The following MYO18B variants were observed in gnomAD, a reference collection of about 807,000 sequenced individuals.
MYO18B encodes unconventional myosin-XVIIIb.
In MYO18B, 204 loss-of-function variants were observed where a neutral mutation model predicts 273.0. The ratio of observed to expected loss-of-function variants is 0.75; its 90% confidence interval spans 0.67 to 0.84. The LOEUF is 0.84. Ranked by LOEUF, MYO18B falls within the 40% of genes least tolerant of loss-of-function variation. The pLI, the probability that MYO18B is intolerant of heterozygous loss-of-function variation, is 0.00. For missense variants in MYO18B, 3,212 were observed against 3,287.6 expected (o/e 0.98, Z 0.56); for synonymous variants, 1,330 against 1,305.7 (o/e 1.02, Z -0.40).
At chr22:26,048,274 A>G in the MYO18B span, among the ~76,000 whole-genome samples, 1 of 152,224 alleles carries the variant, frequency 6.6e-6, no homozygotes, top group Non-Finnish European at 1.5e-5. Context: ...ATTTTAAAAG[A>G]CTGCCCTGAA....
At chr22:26,004,931 T>C (rs757359335) in intron 42 of MYO18B, 76 bp downstream of exon 42, 241 of 1,565,022 alleles carry the variant, frequency 1.5e-4, no homozygotes, top group Non-Finnish European at 2.0e-4. Context: ...GTTGTTCAAG[T>C]CTTTCATTGT....
intron 3 of MYO18B, among the ~76,000 whole-genome samples, chr22:25,764,415 C>T (rs133892): frequency 0.25 from 37,476 of 152,112 alleles, 4,930 homozygotes; most frequent in African/African-American, 0.33. Flanking sequence ...TCCAGCGCCC[C>T]CTTCAGACAA....
intron 38 of MYO18B, 122 bp downstream of exon 38, chr22:25,952,545 C>A: frequency 7.7e-7 from 1 of 1,300,660 alleles, no homozygotes; most frequent in Non-Finnish European, 1.1e-6. Flanking sequence ...ATACATTACT[C>A]ATCCACTTCT....
intron 13 of MYO18B, among the ~76,000 whole-genome samples, chr22:25,824,003 G>A (rs2089391649): frequency 6.6e-6 from 1 of 152,168 alleles, no homozygotes; most frequent in African/African-American, 2.4e-5. Context: ...TACTAAGTAG[G>A]GGAAAGACTA....
intron 40 of MYO18B, among the ~76,000 whole-genome samples, chr22:26,002,632 C>CGG (rs1664252578): frequency 6.6e-6 from 1 of 152,156 alleles, no homozygotes; most frequent in Non-Finnish European, 1.5e-5. Flanking sequence ...CTGCACCCAC[C>CGG]CACTGAACAA....
chr22:25,890,949 T>A, intron 26 of MYO18B, 74 bp downstream of exon 26: 9 of 1,537,978 alleles, frequency 5.9e-6, no homozygotes, highest in Non-Finnish European at 7.0e-6. Flanking sequence ...CCCGACCCTC[T>A]CATTGGAGAT....
chr22:25,970,320 A>G (rs1255228641), intron 39 of MYO18B, among the ~76,000 whole-genome samples: 2 of 152,232 alleles, frequency 1.3e-5, no homozygotes, highest in Non-Finnish European at 2.9e-5. Flanking sequence ...GAGCAGGCAT[A>G]TAAGTCTAGG....
At chr22:25,877,419 C>T (rs1278393994) in intron 24 of MYO18B, 2 of 152,166 alleles carry the variant, frequency 1.3e-5, no homozygotes, top group African/African-American at 4.8e-5. Flanking sequence ...AGCTAATTAA[C>T]AAATCCATCA....
chr22:25,781,848 G>A lies in MYO18B; in HGVS notation c.2312+14G>A. On this transcript the variant is annotated intron_variant, in intron 10 of 43. Coordinates refer to ENST00000335473, the MANE Select transcript of MYO18B (RefSeq NM_032608.7). The stretch of plus-strand genomic sequence containing the variant: ...CTTGGATCTCAGGTGAGCACTTGGG[G>A]CAGGAAGAGACAGCTGAGGGCAGTG... 4 of 1,523,312 alleles carry A rather than the reference G, an allele frequency of 2.6e-6. No homozygotes were observed. Among genetic ancestry groups the A allele is most frequent in the Non-Finnish European group, 3.5e-6 (4 of 1,137,082 alleles). 94.4% of individuals were successfully genotyped at this position (1,523,312 alleles called of 1,614,324 possible).
Position 25,798,069 on chromosome 22 carries a change from C to T in MYO18B, c.2493C>T (p.Tyr831=). The T allele has an allele frequency of 6.2e-7, 1 of 1,611,016 alleles. No homozygotes were observed. Among genetic ancestry groups the T allele is most frequent in the South Asian group, 1.1e-5 (1 of 91,032 alleles). The change falls in exon 12 of 44, where the codon TAC becomes TAT. Residue 831 remains tyrosine, a synonymous_variant. Transcript: ENST00000335473. ...RAVWRVLAAI[Y]HLGAAGACKV... The stretch of plus-strand genomic sequence containing the variant: ...TTTGGCGGGTCCTGGCAGCCATCTA[C>T]CACCTGGGTGCGGCGGGGGCCTGCA...
chr22:25,833,248 C>G (rs1476054289), intron 16 of MYO18B, among the ~76,000 whole-genome samples: 1 of 152,176 alleles, frequency 6.6e-6, no homozygotes, highest in Admixed American at 6.5e-5. Context: ...ATGTCTGAGT[C>G]TATGTCTTAG....
At chr22:25,851,990 A>G (rs2090440782) in intron 21 of MYO18B, among the ~76,000 whole-genome samples, 1 of 152,220 alleles carries the variant, frequency 6.6e-6, no homozygotes, top group Non-Finnish European at 1.5e-5. Flanking sequence ...ATAAGAATAG[A>G]GTCATGAGAA....
At chr22:25,772,854 G>A (rs57482102) in intron 7 of MYO18B, among the ~76,000 whole-genome samples, 2,157 of 152,270 alleles carry the variant, frequency 0.014, 56 homozygotes, top group African/African-American at 0.047. Flanking sequence ...GAAAACACAG[G>A]TACTGTGATT....
chr22:25,947,709 C>T lies in MYO18B; in HGVS notation c.5632-3C>T, dbSNP rs764042144. 5 of 1,612,124 alleles carry T rather than the reference C, an allele frequency of 3.1e-6. No individual in the cohort carries two copies. The highest frequency in any genetic ancestry group is 4.2e-6 in the Non-Finnish European group (5 of 1,179,076). ...GCCTTGACCACTGATCTGCCTCCCC[C>T]AGGTGGATGAGCAGCTGTACAGGCT... On this transcript the variant is annotated splice_polypyrimidine_tract_variant and splice_region_variant and intron_variant, in intron 35 of 43. Coordinates refer to ENST00000335473, the MANE Select transcript of MYO18B (RefSeq NM_032608.7).
intron 32 of MYO18B, among the ~76,000 whole-genome samples, chr22:25,909,939 T>C (rs1228711759): frequency 6.6e-6 from 1 of 152,132 alleles, no homozygotes; most frequent in Non-Finnish European, 1.5e-5. Flanking sequence ...CCCTGGGTCT[T>C]AGTTTGCCCA....
rs890057995 is a variant in MYO18B, at chr22:25,891,254, C to T, written c.4435-50C>T. On this transcript the variant is annotated intron_variant, in intron 26 of 43. Coordinates refer to ENST00000335473, the MANE Select transcript of MYO18B (RefSeq NM_032608.7). ...AGCACTTCATGGGTAAGATGACCAGCCCATGTCTTCTGTCCAGCTCTAGTT... is the reference window on the plus strand; with the variant it reads ...AGCACTTCATGGGTAAGATGACCAGTCCATGTCTTCTGTCCAGCTCTAGTT... 2.3e-6 allele frequency: 3 copies of T among 1,331,838 alleles called. No individual in the cohort carries two copies. In the African/African-American group the frequency reaches 4.4e-5, roughly 19 times the overall value. The allele number at this position is 1,331,838 out of a possible 1,614,324, so 82.5% of individuals were successfully genotyped here. A position where few individuals can be genotyped will look rare whatever the true frequency, so the allele number is the denominator to read the frequency against.
chr22:26,004,879 C>G, intron 42 of MYO18B, 24 bp downstream of exon 42: 1 of 1,612,892 alleles, frequency 6.2e-7, no homozygotes, highest in South Asian at 1.1e-5. Context: ...CTTGCTGCCT[C>G]TGGATGGCTA....
At chr22:25,812,226 G>A (rs2088794894) in intron 12 of MYO18B, among the ~76,000 whole-genome samples, 1 of 152,100 alleles carries the variant, frequency 6.6e-6, no homozygotes, top group South Asian at 2.1e-4. Flanking sequence ...TGCATCTCTG[G>A]GCTCACATCT....
intron 28 of MYO18B, chr22:25,897,363 A>C (rs922316971): frequency 2.0e-5 from 3 of 152,348 alleles, no homozygotes; most frequent in African/African-American, 4.8e-5. Context: ...GTGACTCTTG[A>C]TATCCTCTAT....
Sources: allele counts gnomAD v4.1 joint callset (sites outside exome capture counted in the v4.1 genomes callset), GRCh38; gene constraint gnomAD v4.1.1; transcripts MANE v1.5; gene names NCBI Gene and HGNC (gene_info 2026-07-23, HGNC 2026-07-21).